TMEM135: variants seen among roughly 807,000 people sequenced by gnomAD.
The protein encoded by TMEM135 is transmembrane protein 135, also known as peroxisomal membrane protein 52.
A neutral mutation model predicts 60.3 loss-of-function variants in TMEM135; 30 were observed. The observed-to-expected ratio is 0.50, with a 90% CI of 0.37 to 0.68. TMEM135 has a LOEUF of 0.68. Ranked by LOEUF, TMEM135 falls within the 30% of genes least tolerant of loss-of-function variation. The pLI, the probability that TMEM135 is intolerant of heterozygous loss-of-function variation, is 0.00. For missense variants in TMEM135, 468 were observed against 548.8 expected, an observed-to-expected ratio of 0.85 and a Z score of 1.47; for synonymous variants, 190 against 186.7, an observed-to-expected ratio of 1.02 and a Z score of -0.14.
At chr11:87,117,905 C>G (rs148673384) in intron 4 of TMEM135, among the ~76,000 whole-genome samples, 43 of 152,312 alleles carry the variant, frequency 2.8e-4, no homozygotes, top group African/African-American at 1.0e-3. Context: ...CATAAAGCAA[C>G]TATAGCTTTA....
intron 5 of TMEM135, among the ~76,000 whole-genome samples, chr11:87,218,109 G>A (rs1448929379): frequency 6.6e-6 from 1 of 152,084 alleles, no homozygotes; most frequent in Non-Finnish European, 1.5e-5. Context: ...GCAGAGGGGT[G>A]CTGTCTAGGT....
intron 6 of TMEM135, among the ~76,000 whole-genome samples, chr11:87,274,155 TA>T (rs1381920015): frequency 2.6e-5 from 4 of 152,136 alleles, no homozygotes; most frequent in African/African-American, 9.7e-5. Context: ...CTAATCTAGG[TA>T]TGTCGACAAA....
intron 5 of TMEM135, among the ~76,000 whole-genome samples, chr11:87,158,649 A>G (rs184663393): frequency 5.9e-5 from 9 of 151,918 alleles, no homozygotes; most frequent in Admixed American, 5.9e-4. Context: ...TTTTTTTACT[A>G]CAGACGAGGT....
intron 4 of TMEM135, among the ~76,000 whole-genome samples, chr11:87,146,386 T>C (rs1938416504): frequency 6.6e-6 from 1 of 152,196 alleles, no homozygotes; most frequent in Non-Finnish European, 1.5e-5. Context: ...TATATGAACC[T>C]GCTTTAGCCT....
chr11:87,130,522 C>G (rs1937896531), intron 4 of TMEM135, among the ~76,000 whole-genome samples: 1 of 152,086 alleles, frequency 6.6e-6, no homozygotes, highest in Non-Finnish European at 1.5e-5. Context: ...TGTGTCCTGC[C>G]ATCCCCTCTT....
At chr11:87,179,538 A>G (rs1027604327) in intron 5 of TMEM135, among the ~76,000 whole-genome samples, 1 of 152,042 alleles carries the variant, frequency 6.6e-6, no homozygotes, top group Non-Finnish European at 1.5e-5. Context: ...ATGGTGTGAG[A>G]TACTCTGGTT....
Position 87,325,682 on chromosome 11 carries a change from A to C in TMEM135, c.*4349A>C, listed in dbSNP as rs1046527601. On this transcript the variant is annotated 3_prime_UTR_variant, in exon 15 of 15. Coordinates refer to ENST00000305494, the MANE Select transcript of TMEM135 (RefSeq NM_022918.4). ...ATCATAACGGTGATAACAATGGAGTAAACATTTCCAGAGACACTGATTTTT... is the reference window on the plus strand; with the variant it reads ...ATCATAACGGTGATAACAATGGAGTCAACATTTCCAGAGACACTGATTTTT... 2.2e-6 allele frequency: 1 copy of C among 450,932 alleles called. No individual in the cohort carries two copies. Among genetic ancestry groups the C allele is most frequent in the Non-Finnish European group, 4.4e-6 (1 of 225,952 alleles). 27.9% of individuals were successfully genotyped at this position (450,932 alleles called of 1,614,324 possible).
intron 1 of TMEM135, among the ~76,000 whole-genome samples, chr11:87,061,664 G>A (rs1310311879): frequency 1.3e-5 from 2 of 152,112 alleles, no homozygotes; most frequent in South Asian, 2.1e-4. Flanking sequence ...AAGATCATGG[G>A]TCTTTGAGGC....
At chr11:87,063,600 C>T (rs1382099534) in intron 1 of TMEM135, among the ~76,000 whole-genome samples, 3 of 152,280 alleles carry the variant, frequency 2.0e-5, no homozygotes, top group African/African-American at 4.8e-5. Context: ...GATAAAAATA[C>T]GTGGCACACT....
chr11:87,253,288 G>T (rs1340353401), intron 6 of TMEM135, among the ~76,000 whole-genome samples: 1 of 152,074 alleles, frequency 6.6e-6, no homozygotes, highest in East Asian at 1.9e-4. Flanking sequence ...GAGAAATATT[G>T]TATGGAGAAA....
chr11:87,318,276 G>C, intron 13 of TMEM135, 41 bp downstream of exon 13: 1 of 1,342,366 alleles, frequency 7.4e-7, no homozygotes, highest in South Asian at 1.2e-5. Flanking sequence ...AATGATTCCT[G>C]TTTCTAATGT....
chr11:87,298,923 TA>T (rs1449071852), intron 7 of TMEM135, among the ~76,000 whole-genome samples: 4 of 151,282 alleles, frequency 2.6e-5, no homozygotes, highest in African/African-American at 9.7e-5. Flanking sequence ...CCGTCTTTAG[TA>T]AAAATACAAA....
chr11:87,138,029 T>C (rs75874890), intron 4 of TMEM135, among the ~76,000 whole-genome samples: 2,400 of 152,082 alleles, frequency 0.016, 66 homozygotes, highest in African/African-American at 0.055. Flanking sequence ...GCATATTTCC[T>C]GTGTACTGAA....
intron 3 of TMEM135, among the ~76,000 whole-genome samples, chr11:87,082,362 T>TA (rs930937378): frequency 1.4e-4 from 21 of 152,342 alleles, no homozygotes; most frequent in Non-Finnish European, 2.6e-4. Flanking sequence ...CAAGATCCAT[T>TA]AAAAGCTTAT....
intron 2 of TMEM135, among the ~76,000 whole-genome samples, chr11:87,069,083 G>A (rs1457439782): frequency 9.2e-6 from 1 of 109,010 alleles, no homozygotes; most frequent in African/African-American, 3.9e-5. Flanking sequence ...TCAGGAGATG[G>A]AGACCATCCT....
intron 7 of TMEM135, among the ~76,000 whole-genome samples, chr11:87,297,931 C>G (rs7947510): frequency 0.63 from 95,862 of 151,994 alleles, 30,516 homozygotes; most frequent in Non-Finnish European, 0.67. Flanking sequence ...CCACATTGCA[C>G]ATGAATTAAT....
At chr11:87,307,164 C>T (rs1329841759) in intron 9 of TMEM135, among the ~76,000 whole-genome samples, 1 of 152,084 alleles carries the variant, frequency 6.6e-6, no homozygotes, top group Non-Finnish European at 1.5e-5. Context: ...GGTGGTTACT[C>T]TAGAAAGGAG....
chr11:87,053,804 G>T (rs1445284647), intron 1 of TMEM135, among the ~76,000 whole-genome samples: 2 of 152,224 alleles, frequency 1.3e-5, no homozygotes, highest in East Asian at 3.9e-4. Context: ...TTGAATCTCT[G>T]TTGACCGCAG....
intron 4 of TMEM135, among the ~76,000 whole-genome samples, chr11:87,100,817 G>A (rs528447988): frequency 2.6e-5 from 4 of 151,934 alleles, no homozygotes; most frequent in South Asian, 2.1e-4. Context: ...AGCCAAGATT[G>A]CGTCAGTGCA....
Sources: allele counts gnomAD v4.1 joint callset (sites outside exome capture counted in the v4.1 genomes callset), GRCh38; gene constraint gnomAD v4.1.1; transcripts MANE v1.5; gene names NCBI Gene and HGNC (gene_info 2026-07-23, HGNC 2026-07-21).